The following SLIT3 variants were observed in gnomAD, a reference collection of about 807,000 sequenced individuals.
SLIT3 encodes slit guidance ligand 3, also known as slit homolog 3 protein.
In SLIT3, 68 loss-of-function variants were observed where a neutral mutation model predicts 184.0. The observed-to-expected ratio is 0.37, with a 90% CI of 0.30 to 0.45. SLIT3 has a LOEUF of 0.45. SLIT3 is among the 20% of genes least tolerant of loss of function. The pLI, the probability that SLIT3 is intolerant of heterozygous loss-of-function variation, is 1.00. For synonymous variants in SLIT3, 831 were observed against 828.6 expected, an observed-to-expected ratio of 1.00 and a Z score of -0.05; for missense variants, 1,707 against 2,026.0, an observed-to-expected ratio of 0.84 and a Z score of 3.02.
intron 5 of SLIT3, among the ~76,000 whole-genome samples, chr5:168,863,428 C>T (rs1008754522): frequency 3.3e-5 from 5 of 152,172 alleles, no homozygotes; most frequent in African/African-American, 4.8e-5. Context: ...GCTGGTGATT[C>T]GTTGTTGAAA....
At chr5:169,263,788 GCA>G (rs1476270171) in intron 1 of SLIT3, 4 of 443,046 alleles carry the variant, frequency 9.0e-6, no homozygotes, top group Non-Finnish European at 1.3e-5. Flanking sequence ...CCCTCTCTCT[GCA>G]CAACTCATTT....
intron 5 of SLIT3, among the ~76,000 whole-genome samples, chr5:168,857,788 A>G (rs1207715491): frequency 6.6e-6 from 1 of 152,222 alleles, no homozygotes; most frequent in Non-Finnish European, 1.5e-5. Context: ...AAACACAAGT[A>G]TGAATGAATG....
At chr5:168,755,389 A>ATTTATTTCTTTTTCTTTC (rs1213373035) in intron 16 of SLIT3, among the ~76,000 whole-genome samples, 1 of 133,640 alleles carries the variant, frequency 7.5e-6, no homozygotes, top group Non-Finnish European at 1.7e-5. Context: ...CAGTGCCGCC[A>ATTTATTTCTTTTTCTTTC]TTTCTTTCTT....
intron 3 of SLIT3, among the ~76,000 whole-genome samples, chr5:169,227,104 G>A (rs1764840570): frequency 6.6e-6 from 1 of 152,134 alleles, no homozygotes; most frequent in Non-Finnish European, 1.5e-5. Context: ...TGGGAGGGGT[G>A]GAAGACACAG....
At chr5:168,768,045 G>A in intron 14 of SLIT3, 2 of 362,674 alleles carry the variant, frequency 5.5e-6, no homozygotes. Flanking sequence ...TGCCTTTGGT[G>A]AGTTGAGACT....
intron 4 of SLIT3, among the ~76,000 whole-genome samples, chr5:169,075,863 T>C (rs1355683815): frequency 2.0e-5 from 3 of 152,236 alleles, no homozygotes; most frequent in Non-Finnish European, 4.4e-5. Context: ...AGTTTGTCTG[T>C]CTGTCTATCT....
chr5:169,233,319 G>C (rs770811501), intron 3 of SLIT3, among the ~76,000 whole-genome samples: 1 of 152,092 alleles, frequency 6.6e-6, no homozygotes, highest in African/African-American at 2.4e-5. Flanking sequence ...CACCGCGCCC[G>C]GTCGGCATTG....
chr5:169,241,492 C>T (rs867531374), intron 3 of SLIT3, among the ~76,000 whole-genome samples: 19 of 152,126 alleles, frequency 1.2e-4, no homozygotes, highest in African/African-American at 4.3e-4. Flanking sequence ...TATACCCCAT[C>T]GGCTGGGTGG....
intron 1 of SLIT3, among the ~76,000 whole-genome samples, chr5:169,265,083 G>T (rs531668412): frequency 6.6e-6 from 1 of 152,108 alleles, no homozygotes; most frequent in Non-Finnish European, 1.5e-5. Context: ...TTGGGCATGG[G>T]GTCTCTTTTC....
chr5:168,850,369 T>TAA (rs1290971516), intron 5 of SLIT3, among the ~76,000 whole-genome samples: 1 of 150,566 alleles, frequency 6.6e-6, no homozygotes, highest in Non-Finnish European at 1.5e-5. Flanking sequence ...ATTCATGAAT[T>TAA]ATTTAAGTAT....
At chr5:168,724,099 T>C (rs145773803) in intron 21 of SLIT3, among the ~76,000 whole-genome samples, 1 of 152,326 alleles carries the variant, frequency 6.6e-6, no homozygotes, top group African/African-American at 2.4e-5. Context: ...TTAACCCCAA[T>C]GTCCATAGTT....
intron 4 of SLIT3, among the ~76,000 whole-genome samples, chr5:169,008,613 C>T (rs932035335): frequency 6.6e-6 from 1 of 152,134 alleles, no homozygotes; most frequent in Non-Finnish European, 1.5e-5. Context: ...CACACGGTCT[C>T]TCTGTGTCTC....
At chr5:168,666,713 G>A in intron 35 of SLIT3, 24 bp from the exon 36 acceptor site, 3 of 1,613,896 alleles carry the variant, frequency 1.9e-6, no homozygotes, top group Non-Finnish European at 2.5e-6. Context: ...AGAAGTCAGG[G>A]CATTGGTGGT....
chr5:168,789,441 CA>C, intron 11 of SLIT3, 118 bp downstream of exon 11: 1 of 688,552 alleles, frequency 1.5e-6, no homozygotes, highest in Non-Finnish European at 2.5e-6. Context: ...CAGGTTGCCA[CA>C]AGTGTGTAAG....
chr5:168,789,690 C>A, intron 10 of SLIT3, 59 bp from the exon 11 acceptor site: 1 of 1,267,284 alleles, frequency 7.9e-7, no homozygotes, highest in Non-Finnish European at 1.1e-6. Context: ...AACGGTCACT[C>A]CTAAGTGTGA....
intron 26 of SLIT3, among the ~76,000 whole-genome samples, chr5:168,704,639 A>G (rs927382596): frequency 6.6e-6 from 1 of 152,238 alleles, no homozygotes; most frequent in African/African-American, 2.4e-5. Flanking sequence ...GTACTACAAG[A>G]GATAATGTGT....
rs539752628 is a variant in SLIT3, at chr5:169,199,097, C to T, written c.342-5547G>A. On this transcript the variant is annotated intron_variant, in intron 3 of 35. Coordinates refer to ENST00000519560, the MANE Select transcript of SLIT3 (RefSeq NM_003062.4). Reference sequence around the variant, plus strand: ...GTTTGGAGGAGGTTGAAATCGGAAGCAGGAAAACCAGTTAAAAGTGTTCTT... The same window carrying T: ...GTTTGGAGGAGGTTGAAATCGGAAGTAGGAAAACCAGTTAAAAGTGTTCTT... 1.2e-4 allele frequency among the ~76,000 whole-genome samples: 19 copies of T among 152,074 alleles called. No individual in the cohort carries two copies. The South Asian group carries it at 3.9e-3, about 32-fold the overall frequency.
At position 169,237,136 on chromosome 5, in the gene SLIT3, C is replaced by T. The variant is rs553809094; in HGVS notation, c.341+7569G>A. Among the ~76,000 whole-genome samples the T allele has an allele frequency of 1.5e-4, 23 of 152,318 alleles. 1 individual carries two copies. The South Asian group carries it at 3.9e-3, about 26-fold the overall frequency. ...TTAGTCTTACAGACTCCACTCATTT[C>T]CACAGCTTAGGTCAGCACCTTTGCT... On this transcript the variant is annotated intron_variant, in intron 3 of 35. Coordinates refer to ENST00000519560, the MANE Select transcript of SLIT3 (RefSeq NM_003062.4).
intron 4 of SLIT3, among the ~76,000 whole-genome samples, chr5:169,085,641 G>A (rs753528413): frequency 1.3e-5 from 2 of 152,178 alleles, no homozygotes; most frequent in South Asian, 2.1e-4. Context: ...AATCAGAACT[G>A]TTTGGTGTCA....
Sources: allele counts gnomAD v4.1 joint callset (sites outside exome capture counted in the v4.1 genomes callset), GRCh38; gene constraint gnomAD v4.1.1; transcripts MANE v1.5; gene names NCBI Gene and HGNC (gene_info 2026-07-23, HGNC 2026-07-21).